SCNN1B: variants seen among roughly 807,000 people sequenced by gnomAD.
SCNN1B encodes sodium channel epithelial 1 subunit beta, also known as epithelial sodium channel subunit beta.
Under a neutral mutation model 65.3 loss-of-function variants are expected in SCNN1B, and 46 were observed. The observed-to-expected ratio is 0.70, with a 90% CI of 0.56 to 0.90. The LOEUF (loss-of-function observed/expected upper bound fraction) is 0.90. SCNN1B is among the 40% of genes least tolerant of loss of function. SCNN1B has a pLI of 0.00. For missense variants in SCNN1B, 751 were observed against 830.5 expected (o/e 0.90, Z 1.18); for synonymous variants, 349 against 330.6 (o/e 1.06, Z -0.60).
rs1963014902 is a variant in SCNN1B, at chr16:23,380,318, C to T, written c.1543-103C>T. ...ATTCCCCTGGGCCAAGATGGTCACC[C>T]CCTCCCGTTCCCACCCAAGAATCAC... On this transcript the variant is annotated intron_variant, in intron 12 of 12. Coordinates refer to ENST00000343070, the MANE Select transcript of SCNN1B (RefSeq NM_000336.3). The surrounding 1 kb of genome is among the most constrained non-coding windows in gnomAD (Gnocchi z 5.4). The T allele has an allele frequency of 3.2e-6, 5 of 1,579,862 alleles. No homozygotes were observed. Among genetic ancestry groups the T allele is most frequent in the Non-Finnish European group, 4.3e-6 (5 of 1,151,886 alleles).
At chr16:23,345,688 G>A (rs577392202) in intron 1 of SCNN1B, among the ~76,000 whole-genome samples, 4 of 152,324 alleles carry the variant, frequency 2.6e-5, no homozygotes, top group African/African-American at 4.8e-5. Context: ...AGAGCTAAGA[G>A]GAGAGATCAG....
rs570060099 is a variant in SCNN1B at position 23,326,631 on chromosome 16, A to AT, written c.-8-21953dup. Among the ~76,000 whole-genome samples the AT allele has an allele frequency of 1.8e-3, 271 of 151,440 alleles. 1 individual carries two copies. The highest frequency in any genetic ancestry group is 6.1e-3 in the African/African-American group (250 of 41,252). ...AGGTGTGCGCCACCATGCCCAGCTA[A>AT]TTTTTTTTGTATTTTTAGTAGAGAC... On this transcript the variant is annotated intron_variant, in intron 1 of 12. Coordinates refer to ENST00000343070, the MANE Select transcript of SCNN1B (RefSeq NM_000336.3).
At chr16:23,373,491 T>G (rs537851134) in intron 7 of SCNN1B, among the ~76,000 whole-genome samples, 1 of 152,208 alleles carries the variant, frequency 6.6e-6, no homozygotes, top group Non-Finnish European at 1.5e-5. Flanking sequence ...CTTCTCATCC[T>G]GATCTCCAGA....
intron 3 of SCNN1B, 82 bp downstream of exon 3, chr16:23,353,156 G>C: frequency 6.8e-7 from 1 of 1,464,724 alleles, no homozygotes. Context: ...AGTAATTTGA[G>C]TCTCGCTGGG....
intron 3 of SCNN1B, among the ~76,000 whole-genome samples, chr16:23,354,142 G>A (rs1474991131): frequency 6.6e-6 from 1 of 152,178 alleles, no homozygotes; most frequent in African/African-American, 2.4e-5. Flanking sequence ...GTCATATGGG[G>A]GATCTGCTGT....
intron 1 of SCNN1B, chr16:23,303,896 G>T (rs767870807): frequency 5.8e-5 from 40 of 685,096 alleles, no homozygotes; most frequent in Non-Finnish European, 9.5e-5. Context: ...TCTAGCCTGA[G>T]TGAAAGAGCA....
chr16:23,286,241 C>G (rs1481315362), intron 2 of SCNN1B, among the ~76,000 whole-genome samples: 1 of 152,200 alleles, frequency 6.6e-6, no homozygotes, highest in Non-Finnish European at 1.5e-5. Flanking sequence ...AGCATTAGAA[C>G]TTTGCAACTC....
At chr16:23,366,381 T>TTTTA (rs112872912) in intron 4 of SCNN1B, among the ~76,000 whole-genome samples, 42,549 of 151,516 alleles carry the variant, frequency 0.28, 6,449 homozygotes, top group African/African-American at 0.41. Context: ...TTTTATTTTA[T>TTTTA]TTTATTTTTT....
intron 2 of SCNN1B, among the ~76,000 whole-genome samples, chr16:23,294,260 A>G (rs186882926): frequency 5.3e-4 from 81 of 151,796 alleles, no homozygotes; most frequent in African/African-American, 1.8e-3. Flanking sequence ...GCCACGCGAG[A>G]TGGCGTGCAA....
At chr16:23,307,787 C>T (rs559889087) in intron 1 of SCNN1B, among the ~76,000 whole-genome samples, 8 of 152,298 alleles carry the variant, frequency 5.3e-5, no homozygotes, top group African/African-American at 1.4e-4. Context: ...CAGTGGCCAT[C>T]GCCTGTAATC....
In SCNN1B at chr16:23,328,854, G is replaced by A. The variant is rs576791554; in HGVS notation, c.-8-19738G>A. ...TCTGTCACCCAGGCTGGAGGGCAGT[G>A]GCATGATCATGGCTCACTGCAGCCT... is the stretch of plus-strand genomic sequence containing the variant. On this transcript the variant is annotated intron_variant, in intron 1 of 12. Transcript: ENST00000343070. Among the ~76,000 whole-genome samples, 15 of 151,388 alleles carry A rather than the reference G, an allele frequency of 9.9e-5. No individual in the cohort carries two copies. The South Asian group carries it at 1.9e-3, about 19-fold the overall frequency.
At chr16:23,368,348 G>T (rs146846236) in intron 5 of SCNN1B, among the ~76,000 whole-genome samples, 1,817 of 152,184 alleles carry the variant, frequency 0.012, 45 homozygotes, top group African/African-American at 0.041. Context: ...AGACCAGCCT[G>T]GGCAACAAGG....
intron 1 of SCNN1B, among the ~76,000 whole-genome samples, chr16:23,340,022 G>A (rs1596851227): frequency 2.0e-5 from 3 of 151,854 alleles, no homozygotes; most frequent in African/African-American, 7.2e-5. Flanking sequence ...CTCATTGTGG[G>A]TGGTTTTGAT....
intron 4 of SCNN1B, among the ~76,000 whole-genome samples, chr16:23,365,314 G>C (rs1441055599): frequency 6.8e-6 from 1 of 146,044 alleles, no homozygotes; most frequent in East Asian, 2.0e-4. Flanking sequence ...GAGAGAAAAA[G>C]AGAGAAAGAG....
chr16:23,316,410 CCATCACCATCACCATCTCCTTCAT>C (rs1481672244), intron 1 of SCNN1B, among the ~76,000 whole-genome samples: 2 of 146,910 alleles, frequency 1.4e-5, no homozygotes, highest in East Asian at 4.2e-4. Context: ...ATCATCACCA[CCATCACCATCACCATCTCCTTCAT>C]CATCACCATC....
intron 1 of SCNN1B, among the ~76,000 whole-genome samples, chr16:23,315,494 T>C (rs1158985227): frequency 6.6e-6 from 1 of 152,138 alleles, no homozygotes; most frequent in Non-Finnish European, 1.5e-5. Flanking sequence ...CCAGCATGTA[T>C]AAGCACTTAC....
At chr16:23,294,625 A>C (rs1262205130) in intron 2 of SCNN1B, among the ~76,000 whole-genome samples, 2 of 152,078 alleles carry the variant, frequency 1.3e-5, no homozygotes, top group African/African-American at 4.8e-5. Context: ...CTTCTTCCAG[A>C]TATCTGCAGA....
At chr16:23,367,736 G>T (rs1962698790) in intron 4 of SCNN1B, 120 bp from the exon 5 acceptor site, 1 of 808,634 alleles carries the variant, frequency 1.2e-6, no homozygotes, top group Admixed American at 1.8e-5. Context: ...AGAATGACCT[G>T]TTGCTCGCCT....
intron 1 of SCNN1B, among the ~76,000 whole-genome samples, chr16:23,331,908 G>A (rs1357265436): frequency 6.6e-6 from 1 of 152,128 alleles, no homozygotes; most frequent in Non-Finnish European, 1.5e-5. Context: ...CTAAGGACAG[G>A]GCATTATAAG....
Sources: allele counts gnomAD v4.1 joint callset (sites outside exome capture counted in the v4.1 genomes callset), GRCh38; gene constraint gnomAD v4.1.1; non-coding constraint Gnocchi (gnomAD v3.1); transcripts MANE v1.5; gene names NCBI Gene and HGNC (gene_info 2026-07-23, HGNC 2026-07-21).